Variants in PPP1R14C observed in about 807,000 individuals in gnomAD.
The protein encoded by PPP1R14C is protein phosphatase 1 regulatory inhibitor subunit 14C, also known as protein phosphatase 1 regulatory subunit 14C.
In PPP1R14C, 16 loss-of-function variants were observed where a neutral mutation model predicts 20.4. The observed-to-expected ratio is 0.78, with a 90% confidence interval of 0.53 to 1.19. The LOEUF (loss-of-function observed/expected upper bound fraction) is 1.19. PPP1R14C is among the 50% of genes most tolerant of loss of function. PPP1R14C has a pLI of 0.00. For synonymous variants in PPP1R14C, 91 were observed against 91.0 expected (o/e 1.00, Z 0.00); for missense variants, 211 against 220.1 (o/e 0.96, Z 0.26).
chr6:150,143,408 G>A lies in PPP1R14C; in HGVS notation c.216G>A (p.Val72=). The part of the protein sequence containing the change: ...QQQRRHQQGK[V]TVKYDRKELR... ...AGCGGCGACACCAGCAGGGAAAAGTGACAGTGAAATACGATCGTAAGGAGC... is the reference window on the plus strand; with the variant it reads ...AGCGGCGACACCAGCAGGGAAAAGTAACAGTGAAATACGATCGTAAGGAGC... Residue 72 remains valine, a synonymous_variant, in exon 1 of 4, where the codon GTG becomes GTA. Coordinates refer to ENST00000361131, the MANE Select transcript of PPP1R14C (RefSeq NM_030949.3). This position sits in a 1 kb window ranked among gnomAD's most constrained non-coding sequence, Gnocchi z 5.6. 1 of 1,612,590 alleles carries A rather than the reference G, an allele frequency of 6.2e-7. No individual in the cohort carries two copies. The highest frequency in any genetic ancestry group is 8.5e-7 in the Non-Finnish European group (1 of 1,179,464).
intron 1 of PPP1R14C, among the ~76,000 whole-genome samples, chr6:150,210,175 AGTCCC>A (rs1346408334): frequency 6.6e-6 from 1 of 152,126 alleles, no homozygotes; most frequent in Non-Finnish European, 1.5e-5. Context: ...GGCAATGCGG[AGTCCC>A]ACTGCTGCTT....
At chr6:150,169,407 T>A (rs1777473411) in intron 1 of PPP1R14C, among the ~76,000 whole-genome samples, 3 of 152,078 alleles carry the variant, frequency 2.0e-5, no homozygotes, top group South Asian at 4.1e-4. Context: ...ATAGAAACAA[T>A]AAAATAAGAA....
intron 1 of PPP1R14C, among the ~76,000 whole-genome samples, chr6:150,203,687 T>C (rs1383305211): frequency 8.5e-6 from 1 of 117,352 alleles, no homozygotes; most frequent in African/African-American, 2.9e-5. Context: ...GGGAACCGTC[T>C]TCTCTCCAAG....
rs1554219688 is a variant in PPP1R14C, at chr6:150,199,869, T to TG, written c.307-14875_307-14874insG. ...GGGTGACAGAGCGAGAGCCTGTCTC[T>TG]AAAAAAAAAAAAAATCTGTTCTTTA... On this transcript the variant is annotated intron_variant, in intron 1 of 3. Coordinates refer to ENST00000361131, the MANE Select transcript of PPP1R14C (RefSeq NM_030949.3). Among the ~76,000 whole-genome samples the TG allele has an allele frequency of 4.1e-5, 6 of 146,108 alleles. No homozygotes were observed. In the South Asian group the frequency reaches 8.8e-4, roughly 21 times the overall value.
At chr6:150,200,348 C>G (rs930536179) in intron 1 of PPP1R14C, among the ~76,000 whole-genome samples, 1 of 152,104 alleles carries the variant, frequency 6.6e-6, no homozygotes, top group Admixed American at 6.5e-5. Context: ...TCGGCTACCC[C>G]TCATGGTGCC....
Position 150,143,516 on chromosome 6 carries a change from TG to T in PPP1R14C, c.306+21del, listed in dbSNP as rs752855144. On this transcript the variant is annotated intron_variant, in intron 1 of 3. Transcript: ENST00000361131. The surrounding 1 kb of genome is among the most constrained non-coding windows in gnomAD (Gnocchi z 5.6). ...GCTGCGAGGTACCTGGGCGCGGGGC[TG>T]GGAGGGTCGGGGACCTCTCTAGCTC... is the stretch of plus-strand genomic sequence containing the variant. The T allele has an allele frequency of 6.2e-6, 5 of 806,566 alleles. No homozygotes were observed. The highest frequency in any genetic ancestry group is 9.8e-6 in the Non-Finnish European group (5 of 511,390). 50.0% of individuals were successfully genotyped at this position (806,566 alleles called of 1,614,324 possible).
intron 1 of PPP1R14C, among the ~76,000 whole-genome samples, chr6:150,168,255 G>A (rs1226322897): frequency 4.8e-5 from 7 of 145,262 alleles, no homozygotes; most frequent in Admixed American, 1.4e-4. Context: ...CCCTTGATTC[G>A]GCCGGGCGCG....
intron 3 of PPP1R14C, among the ~76,000 whole-genome samples, chr6:150,222,322 T>C (rs900592681): frequency 6.6e-6 from 1 of 152,180 alleles, no homozygotes; most frequent in African/African-American, 2.4e-5. Context: ...CACAGTGAAA[T>C]TGACTAGAAG....
At chr6:150,239,373 A>G (rs2114930856) in intron 3 of PPP1R14C, among the ~76,000 whole-genome samples, 1 of 152,386 alleles carries the variant, frequency 6.6e-6, no homozygotes, top group Middle Eastern at 3.4e-3. Context: ...AGCCATACAA[A>G]GTGTGTTCTT....
At chr6:150,192,952 C>T (rs138432110) in intron 1 of PPP1R14C, among the ~76,000 whole-genome samples, 1 of 152,296 alleles carries the variant, frequency 6.6e-6, no homozygotes, top group African/African-American at 2.4e-5. Flanking sequence ...TGACATGGCA[C>T]AGTCACACAT....
chr6:150,206,846 GT>G (rs145300350), intron 1 of PPP1R14C, among the ~76,000 whole-genome samples: 2 of 149,690 alleles, frequency 1.3e-5, no homozygotes, highest in Non-Finnish European at 3.0e-5. Flanking sequence ...CTATTTTGAT[GT>G]TTTTTTTTGT....
chr6:150,185,606 A>G lies in PPP1R14C; in HGVS notation c.307-29138A>G, dbSNP rs181513628. On this transcript the variant is annotated intron_variant, in intron 1 of 3. Transcript: ENST00000361131. The surrounding 1 kb of genome is among the most constrained non-coding windows in gnomAD (Gnocchi z 4.1). Reference sequence around the variant, plus strand: ...ACAGAGTGAAGGCTACCTCTGCATAATAGCTCTGCGGCCTCCCTGTCTGTA... The same window carrying G: ...ACAGAGTGAAGGCTACCTCTGCATAGTAGCTCTGCGGCCTCCCTGTCTGTA... Among the ~76,000 whole-genome samples the G allele has an allele frequency of 2.2e-4, 34 of 152,204 alleles. No homozygotes were observed. Among genetic ancestry groups the G allele is most frequent in the African/African-American group, 7.5e-4 (31 of 41,522 alleles).
intron 3 of PPP1R14C, among the ~76,000 whole-genome samples, chr6:150,218,484 C>G (rs929010907): frequency 5.1e-5 from 6 of 118,416 alleles, no homozygotes; most frequent in East Asian, 2.8e-4. Flanking sequence ...ACCCCCCCCC[C>G]CAAAAAAAAA....
intron 1 of PPP1R14C, among the ~76,000 whole-genome samples, chr6:150,160,136 G>A (rs940578441): frequency 6.6e-5 from 10 of 151,734 alleles, no homozygotes; most frequent in Non-Finnish European, 1.0e-4. Flanking sequence ...GCTTATTACT[G>A]TTGATATTCA....
At chr6:150,245,924 A>G (rs1273684596) in intron 3 of PPP1R14C, among the ~76,000 whole-genome samples, 1 of 152,230 alleles carries the variant, frequency 6.6e-6, no homozygotes, top group Non-Finnish European at 1.5e-5. Flanking sequence ...TAAAATATGC[A>G]TATTATGCAC....
intron 2 of PPP1R14C, among the ~76,000 whole-genome samples, chr6:150,215,899 G>A (rs1340597366): frequency 3.3e-5 from 5 of 152,170 alleles, no homozygotes; most frequent in Admixed American, 1.3e-4. Context: ...TGCACAGGCT[G>A]GCTCAACTTG....
intron 3 of PPP1R14C, among the ~76,000 whole-genome samples, chr6:150,243,441 G>C (rs1086205): frequency 6.6e-6 from 1 of 151,844 alleles, no homozygotes; most frequent in Non-Finnish European, 1.5e-5. Flanking sequence ...GCCTCCCAAA[G>C]TGTTGGGATT....
chr6:150,223,070 A>C (rs1345893968), intron 3 of PPP1R14C, among the ~76,000 whole-genome samples: 2 of 152,316 alleles, frequency 1.3e-5, no homozygotes, highest in African/African-American at 4.8e-5. Context: ...TGCCCAGCCC[A>C]AAATGGCTTT....
intron 3 of PPP1R14C, among the ~76,000 whole-genome samples, chr6:150,221,626 A>G (rs1778168194): frequency 6.6e-6 from 1 of 152,178 alleles, no homozygotes; most frequent in South Asian, 2.1e-4. Flanking sequence ...TGGAAAGAAT[A>G]CTGGAATTTG....
Sources: allele counts gnomAD v4.1 joint callset (sites outside exome capture counted in the v4.1 genomes callset), GRCh38; gene constraint gnomAD v4.1.1; non-coding constraint Gnocchi (gnomAD v3.1); transcripts MANE v1.5; gene names NCBI Gene and HGNC (gene_info 2026-07-23, HGNC 2026-07-21).